TUSC3: variants seen among roughly 807,000 people sequenced by gnomAD.
TUSC3 encodes dolichyl-diphosphooligosaccharide--protein glycosyltransferase subunit TUSC3.
In TUSC3, 45 loss-of-function variants were observed where a neutral mutation model predicts 44.8. The ratio of observed to expected loss-of-function variants is 1.00; its 90% CI spans 0.79 to 1.29. The LOEUF is 1.29. Among genes scored for constraint, TUSC3 ranks in the 50% most tolerant of loss-of-function variants. The pLI is 0.00. For missense variants in TUSC3, 519 were observed against 437.9 expected, an observed-to-expected ratio of 1.19 and a Z score of -1.65; for synonymous variants, 212 against 152.9, an observed-to-expected ratio of 1.39 and a Z score of -2.85.
chr8:15,776,046 C>G, the TUSC3 span, among the ~76,000 whole-genome samples: 2 of 151,958 alleles, frequency 1.3e-5, no homozygotes, highest in African/African-American at 4.8e-5. Flanking sequence ...TCATCTAATT[C>G]ACTATTCTCC....
chr8:15,559,109 G>A (rs1385048465), intron 1 of TUSC3, among the ~76,000 whole-genome samples: 6 of 143,844 alleles, frequency 4.2e-5, no homozygotes, highest in African/African-American at 1.5e-4. Flanking sequence ...TGTCAATTTT[G>A]GATCTTTCCT....
the TUSC3 span, among the ~76,000 whole-genome samples, chr8:15,795,457 C>T: frequency 6.6e-6 from 1 of 152,182 alleles, no homozygotes; most frequent in Non-Finnish European, 1.5e-5. Context: ...CAGATAACTG[C>T]CCACACGTTG....
intron 1 of TUSC3, among the ~76,000 whole-genome samples, chr8:15,598,608 G>C (rs1804161502): frequency 1.2e-5 from 1 of 85,446 alleles, no homozygotes; most frequent in Non-Finnish European, 2.6e-5. Context: ...TCCTTCTCCA[G>C]TCTCCACCCT....
chr8:15,491,258 C>G (rs950153469), intron 2 of TUSC3, among the ~76,000 whole-genome samples: 5 of 152,094 alleles, frequency 3.3e-5, no homozygotes, highest in African/African-American at 1.2e-4. Flanking sequence ...TTACACTGTC[C>G]CTGTGAAATT....
chr8:15,518,380 T>C (rs1801250194), intron 2 of TUSC3, among the ~76,000 whole-genome samples: 1 of 152,156 alleles, frequency 6.6e-6, no homozygotes, highest in South Asian at 2.1e-4. Flanking sequence ...AAAAGTTGAA[T>C]ATTAAATGGA....
At chr8:15,755,782 G>C (rs1364553202) in intron 9 of TUSC3, among the ~76,000 whole-genome samples, 1 of 152,012 alleles carries the variant, frequency 6.6e-6, no homozygotes, top group South Asian at 2.1e-4. Context: ...GAAGAAATAT[G>C]ATTTCAGTAG....
At chr8:15,644,855 A>T (rs745470285) in intron 2 of TUSC3, among the ~76,000 whole-genome samples, 1 of 152,104 alleles carries the variant, frequency 6.6e-6, no homozygotes, top group East Asian at 1.9e-4. Flanking sequence ...TTGCCTTGTC[A>T]TTATTAAATT....
intron 2 of TUSC3, among the ~76,000 whole-genome samples, chr8:15,492,098 T>G (rs1282805874): frequency 6.6e-6 from 1 of 152,150 alleles, no homozygotes; most frequent in Non-Finnish European, 1.5e-5. Context: ...GTAAACCATT[T>G]GTTGAGTACT....
At chr8:15,611,541 A>G (rs1431037838) in intron 1 of TUSC3, among the ~76,000 whole-genome samples, 1 of 152,164 alleles carries the variant, frequency 6.6e-6, no homozygotes, top group African/African-American at 2.4e-5. Flanking sequence ...TGCTGATTAC[A>G]TTATCTCTAG....
intron 6 of TUSC3, among the ~76,000 whole-genome samples, chr8:15,711,533 T>C (rs953478778): frequency 6.7e-6 from 1 of 150,078 alleles, no homozygotes; most frequent in African/African-American, 2.4e-5. Flanking sequence ...TTAATATATG[T>C]ATATATATTT....
Position 15,544,841 on chromosome 8 carries a change from A to G in TUSC3, c.138+4273A>G, listed in dbSNP as rs933340008. On this transcript the variant is annotated intron_variant, in intron 1 of 10. Coordinates refer to ENST00000503731, the MANE Select transcript of TUSC3 (RefSeq NM_006765.4). ...CAGGCAATGTGATTTCACTTAGGTTAGATTGTATGTATGACCACCCCTTGA... is the reference window on the plus strand; with the variant it reads ...CAGGCAATGTGATTTCACTTAGGTTGGATTGTATGTATGACCACCCCTTGA... Among the ~76,000 whole-genome samples, 2 of 151,840 alleles carry G rather than the reference A, an allele frequency of 1.3e-5. 1 individual carries two copies. Among genetic ancestry groups the G allele is most frequent in the Non-Finnish European group, 2.9e-5 (2 of 67,894 alleles).
At chr8:15,786,978 A>G in the TUSC3 span, among the ~76,000 whole-genome samples, 1 of 148,564 alleles carries the variant, frequency 6.7e-6, no homozygotes, top group Admixed American at 6.7e-5. Context: ...CTAGAGTGGC[A>G]TAAGATGAGA....
At chr8:15,565,506 G>C (rs13261729) in intron 1 of TUSC3, among the ~76,000 whole-genome samples, 49,013 of 152,058 alleles carry the variant, frequency 0.32, 9,322 homozygotes, top group Non-Finnish European at 0.42. Context: ...TGCAGACCAA[G>C]ATAGTTGGTG....
At chr8:15,526,435 G>A (rs1008212125) in intron 2 of TUSC3, among the ~76,000 whole-genome samples, 2 of 152,108 alleles carry the variant, frequency 1.3e-5, no homozygotes, top group African/African-American at 4.8e-5. Flanking sequence ...TACCCAAATC[G>A]CATCTTGAAC....
intron 2 of TUSC3, among the ~76,000 whole-genome samples, chr8:15,495,895 C>G (rs1454834507): frequency 6.6e-6 from 1 of 152,094 alleles, no homozygotes; most frequent in East Asian, 1.9e-4. Flanking sequence ...ATTTATTTTG[C>G]CTCCAGGGTC....
intron 1 of TUSC3, among the ~76,000 whole-genome samples, chr8:15,574,163 T>A (rs1802999560): frequency 1.3e-5 from 2 of 152,134 alleles, no homozygotes; most frequent in South Asian, 4.1e-4. Context: ...CACCTGTTAG[T>A]GTTTTGTGCA....
At chr8:15,777,125 TG>T in the TUSC3 span, among the ~76,000 whole-genome samples, 1 of 152,174 alleles carries the variant, frequency 6.6e-6, no homozygotes, top group Non-Finnish European at 1.5e-5. Context: ...AGACTTTTCC[TG>T]GCCTCCTCTT....
chr8:15,593,718 A>T (rs1803949825), intron 1 of TUSC3, among the ~76,000 whole-genome samples: 1 of 151,904 alleles, frequency 6.6e-6, no homozygotes, highest in South Asian at 2.1e-4. Context: ...TTATATTGAA[A>T]TTATTTTGCT....
chr8:15,463,964 A>G (rs1288200536), intron 1 of TUSC3, among the ~76,000 whole-genome samples: 1 of 152,208 alleles, frequency 6.6e-6, no homozygotes, highest in African/African-American at 2.4e-5. Flanking sequence ...TTCCTTGACT[A>G]CAGTTTTACA....
Sources: allele counts gnomAD v4.1 joint callset (sites outside exome capture counted in the v4.1 genomes callset), GRCh38; gene constraint gnomAD v4.1.1; transcripts MANE v1.5; gene names NCBI Gene and HGNC (gene_info 2026-07-23, HGNC 2026-07-21).